PSD3: variants seen among roughly 807,000 people sequenced by gnomAD.
PSD3 encodes pleckstrin and Sec7 domain containing 3, also known as PH and SEC7 domain-containing protein 3.
PSD3 carries 49 observed loss-of-function variants against 105.5 expected under a neutral mutation model. That is an observed-to-expected ratio of 0.46 (90% CI 0.37 to 0.59). PSD3 has a LOEUF of 0.59. PSD3 is among the 20% of genes least tolerant of loss of function. The pLI is 0.00. For missense variants in PSD3, 1,561 were observed against 1,263.8 expected (o/e 1.24, Z -3.57); for synonymous variants, 557 against 457.8 (o/e 1.22, Z -2.77).
Position 18,596,681 on chromosome 8 carries a change from G to C in PSD3, c.2481+3683C>G, listed in dbSNP as rs114717297. 3.9e-3 allele frequency among the ~76,000 whole-genome samples: 587 copies of C among 152,140 alleles called. 5 individuals carry two copies. Among genetic ancestry groups the C allele is most frequent in the African/African-American group, 0.013 (557 of 41,536 alleles). On this transcript the variant is annotated intron_variant, in intron 12 of 15. Coordinates refer to ENST00000327040, the MANE Select transcript of PSD3 (RefSeq NM_015310.4). ...GCCACATAAACTAAAAGGATTCTAA[G>C]AAACTGTTATGAACAATTATACACC... is the stretch of plus-strand genomic sequence containing the variant.
chr8:19,036,442 C>A (rs553720995), intron 1 of PSD3, among the ~76,000 whole-genome samples: 1 of 152,268 alleles, frequency 6.6e-6, no homozygotes, highest in East Asian at 1.9e-4. Context: ...GGTCCCATAG[C>A]TGATATCATA....
intron 1 of PSD3, among the ~76,000 whole-genome samples, chr8:18,938,427 G>C (rs1822300431): frequency 6.6e-6 from 1 of 151,994 alleles, no homozygotes; most frequent in African/African-American, 2.4e-5. Context: ...TTCGAGACCA[G>C]CCTGGCCAAC....
intron 1 of PSD3, among the ~76,000 whole-genome samples, chr8:18,960,280 G>C (rs1451492247): frequency 2.0e-5 from 3 of 152,190 alleles, no homozygotes; most frequent in Non-Finnish European, 4.4e-5. Context: ...TAATAGGTAA[G>C]AAGGAATCTT....
chr8:18,796,402 CCAAATGG>C (rs1410420071), intron 8 of PSD3, among the ~76,000 whole-genome samples: 1 of 152,018 alleles, frequency 6.6e-6, no homozygotes, highest in Non-Finnish European at 1.5e-5. Flanking sequence ...TGATCCTTAC[CCAAATGG>C]CAAAGAGTAT....
chr8:18,951,544 C>T (rs2129470078), intron 1 of PSD3, among the ~76,000 whole-genome samples: 1 of 152,290 alleles, frequency 6.6e-6, no homozygotes, highest in East Asian at 1.9e-4. Flanking sequence ...AATGCACTGA[C>T]AAGTTAGGAT....
intron 1 of PSD3, among the ~76,000 whole-genome samples, chr8:18,948,018 C>T (rs1051048021): frequency 2.6e-5 from 4 of 152,246 alleles, no homozygotes; most frequent in African/African-American, 9.6e-5. Context: ...AATTAACAAC[C>T]GACTATTATG....
intron 9 of PSD3, among the ~76,000 whole-genome samples, chr8:18,727,674 T>C (rs1277515093): frequency 1.3e-5 from 2 of 151,982 alleles, no homozygotes; most frequent in Admixed American, 6.6e-5. Flanking sequence ...TCATTACCCA[T>C]ATTTTGGCAG....
intron 8 of PSD3, among the ~76,000 whole-genome samples, chr8:18,791,802 C>A (rs548978459): frequency 6.6e-6 from 1 of 152,012 alleles, no homozygotes; most frequent in Non-Finnish European, 1.5e-5. Context: ...CTACAGAATG[C>A]GAGAAAAATT....
intron 9 of PSD3, among the ~76,000 whole-genome samples, chr8:18,750,941 T>C (rs1319422727): frequency 6.6e-6 from 1 of 152,044 alleles, no homozygotes; most frequent in Non-Finnish European, 1.5e-5. Flanking sequence ...ATAAAGACTC[T>C]CCACCTCCCC....
chr8:18,842,070 C>T (rs1472041106), intron 4 of PSD3, among the ~76,000 whole-genome samples: 1 of 152,110 alleles, frequency 6.6e-6, no homozygotes, highest in African/African-American at 2.4e-5. Context: ...ACCATCTTCC[C>T]ATGTTAACCA....
intron 11 of PSD3, among the ~76,000 whole-genome samples, chr8:18,606,494 A>G (rs1804841383): frequency 1.3e-5 from 2 of 152,334 alleles, no homozygotes; most frequent in South Asian, 2.1e-4. Context: ...TAGATGTTTT[A>G]TTATGGGAGA....
intron 8 of PSD3, among the ~76,000 whole-genome samples, chr8:18,784,948 C>T (rs922569399): frequency 3.9e-5 from 6 of 152,166 alleles, no homozygotes; most frequent in Middle Eastern, 3.4e-3. Context: ...GGGGTGTGTG[C>T]GGAAGGAGGG....
At chr8:19,073,919 T>C (rs1489960942) in intron 1 of PSD3, among the ~76,000 whole-genome samples, 1 of 151,662 alleles carries the variant, frequency 6.6e-6, no homozygotes, top group Non-Finnish European at 1.5e-5. Context: ...GCTTCCCGAG[T>C]AGCTGGGACT....
chr8:18,616,490 C>A (rs1280501760), intron 11 of PSD3, among the ~76,000 whole-genome samples: 2 of 152,128 alleles, frequency 1.3e-5, no homozygotes, highest in African/African-American at 4.8e-5. Context: ...TGTCTGACAT[C>A]TTTAAGGGTC....
intron 9 of PSD3, among the ~76,000 whole-genome samples, chr8:18,677,547 G>A (rs770160054): frequency 2.6e-5 from 4 of 152,188 alleles, no homozygotes; most frequent in East Asian, 3.9e-4. Flanking sequence ...TGTGTAAGGA[G>A]TGAAAGTTTT....
chr8:18,841,978 C>T (rs1431158082), intron 4 of PSD3, among the ~76,000 whole-genome samples: 1 of 152,124 alleles, frequency 6.6e-6, no homozygotes, highest in African/African-American at 2.4e-5. Flanking sequence ...TGCCAGAAAC[C>T]CTGCCCACGT....
intron 12 of PSD3, among the ~76,000 whole-genome samples, chr8:18,593,185 C>A (rs6998513): frequency 0.074 from 11,314 of 152,108 alleles, 727 homozygotes; most frequent in East Asian, 0.32. Context: ...AGTGAACACG[C>A]AACCTACAGA....
At chr8:18,599,276 T>C (rs1429594607) in intron 12 of PSD3, among the ~76,000 whole-genome samples, 5 of 152,166 alleles carry the variant, frequency 3.3e-5, no homozygotes, top group African/African-American at 1.2e-4. Flanking sequence ...GGGGGGAAGC[T>C]GGAACCCTTA....
At chr8:18,855,810 C>G (rs1294589540) in intron 4 of PSD3, among the ~76,000 whole-genome samples, 1 of 152,158 alleles carries the variant, frequency 6.6e-6, no homozygotes, top group African/African-American at 2.4e-5. Flanking sequence ...GATCTGGGGG[C>G]ATAAAGAGGA....
Sources: gnomAD v4.1 joint callset for allele counts (sites outside exome capture counted in the v4.1 genomes callset) on GRCh38, gnomAD v4.1.1 for gene constraint, MANE v1.5 for transcripts, NCBI Gene and HGNC (gene_info 2026-07-23, HGNC 2026-07-21) for gene names.